PCDHA13: variants seen among roughly 807,000 people sequenced by gnomAD.
PCDHA13 encodes the protein protocadherin alpha 13.
Under a neutral mutation model 64.8 loss-of-function variants are expected in PCDHA13, and 54 were observed. That is an observed-to-expected ratio of 0.83 (90% CI 0.67 to 1.04). PCDHA13 has a LOEUF of 1.04. Ranked by LOEUF, PCDHA13 falls within the 50% of genes least tolerant of loss-of-function variation. The probability of loss-of-function intolerance (pLI) is 0.00; values close to 1 mark genes in which losing one functional copy is unlikely to be tolerated. For missense variants in PCDHA13, 1,248 were observed against 1,254.3 expected (o/e 0.99, Z 0.08); for synonymous variants, 587 against 564.4 (o/e 1.04, Z -0.57).
intron 1 of PCDHA13, among the ~76,000 whole-genome samples, chr5:140,934,505 G>C (rs155823): frequency 0.32 from 48,260 of 151,744 alleles, 8,006 homozygotes; most frequent in East Asian, 0.53. Flanking sequence ...ACACCCAAAG[G>C]GTCCATAGAC....
intron 1 of PCDHA13, among the ~76,000 whole-genome samples, chr5:140,960,257 C>T (rs1554224600): frequency 6.6e-6 from 1 of 152,186 alleles, no homozygotes; most frequent in African/African-American, 2.4e-5. Flanking sequence ...CCTGGAGCTT[C>T]TGATAAATTC....
chr5:140,952,338 C>CA (rs55931446), intron 1 of PCDHA13, among the ~76,000 whole-genome samples: 315 of 135,024 alleles, frequency 2.3e-3, no homozygotes, highest in East Asian at 0.011. Context: ...AACTCCATCT[C>CA]AAAAAAAAAA....
chr5:140,925,917 A>T (rs1480980894), intron 1 of PCDHA13, among the ~76,000 whole-genome samples: 1 of 151,098 alleles, frequency 6.6e-6, no homozygotes, highest in African/African-American at 2.5e-5. Context: ...CCGTTTGCAA[A>T]GCACTCCCAA....
At chr5:140,981,849 T>C (rs1460050544) in intron 2 of PCDHA13, among the ~76,000 whole-genome samples, 2 of 152,202 alleles carry the variant, frequency 1.3e-5, no homozygotes, top group African/African-American at 4.8e-5. Flanking sequence ...AGTTTGTATC[T>C]CACTCCCAGC....
intron 3 of PCDHA13, among the ~76,000 whole-genome samples, chr5:141,001,247 A>G (rs547699044): frequency 1.3e-5 from 2 of 152,256 alleles, no homozygotes; most frequent in African/African-American, 2.4e-5. Flanking sequence ...AATCAACCCT[A>G]TGGGGCGGGC....
intron 3 of PCDHA13, chr5:140,988,770 G>A (rs1388594585): frequency 6.6e-6 from 1 of 152,168 alleles, no homozygotes; most frequent in African/African-American, 2.4e-5. Flanking sequence ...TACAGTCATG[G>A]TTAAGACCAT....
intron 3 of PCDHA13, among the ~76,000 whole-genome samples, chr5:140,995,211 A>G (rs529613370): frequency 2.6e-5 from 4 of 152,188 alleles, no homozygotes; most frequent in Non-Finnish European, 4.4e-5. Context: ...ATTAGGCACA[A>G]TACTCTTGTG....
chr5:140,898,263 C>T lies in PCDHA13; in HGVS notation c.2394+13601C>T, dbSNP rs1420763503. The stretch of plus-strand genomic sequence containing the variant: ...GGTGTTTTAGACATGAAGTCCTTGC[C>T]CATGCCTAAGTTCTGAATGGTAATG... On this transcript the variant is annotated intron_variant, in intron 1 of 3. Transcript: ENST00000289272. 2.0e-5 allele frequency among the ~76,000 whole-genome samples: 3 copies of T among 152,270 alleles called. No individual in the cohort carries two copies. In the East Asian group the frequency reaches 5.8e-4, roughly 29 times the overall value.
At position 140,882,408 on chromosome 5, in the gene PCDHA13, G is replaced by T; in HGVS notation, c.140G>T (p.Arg47Leu). 2 of 1,614,138 alleles carry T rather than the reference G, an allele frequency of 1.2e-6. No individual in the cohort carries two copies. Among genetic ancestry groups the T allele is most frequent in the Non-Finnish European group, 8.5e-7 (1 of 1,180,040 alleles). The change falls in exon 1 of 4, where the codon CGC becomes CTC. Residue 47 changes from arginine to leucine, a missense_variant. Physicochemically the swap from Arg to Leu is moderately radical, Grantham distance 102 (BLOSUM62 -2). Coordinates refer to ENST00000289272, the MANE Select transcript of PCDHA13 (RefSeq NM_018904.3). ...GCAAAACACGGCACCTTCGTGGGCCGCATCGCTCAGGACCTGGGGCTGGAG... is the reference window on the plus strand; with the variant it reads ...GCAAAACACGGCACCTTCGTGGGCCTCATCGCTCAGGACCTGGGGCTGGAG... ...EEAKHGTFVG[R>L]IAQDLGLELA...
intron 1 of PCDHA13, among the ~76,000 whole-genome samples, chr5:140,888,562 G>T (rs781854673): frequency 6.6e-6 from 1 of 152,112 alleles, no homozygotes; most frequent in East Asian, 1.9e-4. Flanking sequence ...TCCTTTCAAG[G>T]CTTCATTTTA....
chr5:140,966,945 A>G, intron 1 of PCDHA13: 1 of 1,603,804 alleles, frequency 6.2e-7, no homozygotes, highest in Non-Finnish European at 8.5e-7. Flanking sequence ...CTCGTGGGCA[A>G]CGTGGCTCGC....
rs1554262759 is a variant in PCDHA13 at position 141,010,215 on chromosome 5, G to A, written c.*278G>A. ...CCTTTCTCCTCCGCCGCAAAGGAGA[G>A]GCTTCCCAGCCCCGCCAGTGAGAGG... On this transcript the variant is annotated 3_prime_UTR_variant, in exon 4 of 4. Transcript: ENST00000289272. The A allele has an allele frequency of 6.4e-7, 1 of 1,551,774 alleles. No homozygotes were observed. Among genetic ancestry groups the A allele is most frequent in the East Asian group, 2.4e-5 (1 of 40,918 alleles).
intron 3 of PCDHA13, among the ~76,000 whole-genome samples, chr5:140,989,205 C>G (rs750885432): frequency 6.6e-6 from 1 of 152,192 alleles, no homozygotes; most frequent in Admixed American, 6.5e-5. Flanking sequence ...TTCTAGCTTT[C>G]TTTATACACC....
At chr5:140,895,892 A>G (rs1554186717) in intron 1 of PCDHA13, among the ~76,000 whole-genome samples, 1 of 152,080 alleles carries the variant, frequency 6.6e-6, no homozygotes, top group East Asian at 1.9e-4. Flanking sequence ...GCTCACTGCA[A>G]CCTCCGCGTC....
At chr5:140,918,639 TGA>T (rs1554198713) in intron 1 of PCDHA13, among the ~76,000 whole-genome samples, 1 of 152,224 alleles carries the variant, frequency 6.6e-6, no homozygotes, top group East Asian at 1.9e-4. Context: ...ATTCATAAAT[TGA>T]AACCTAATTC....
At chr5:140,914,140 T>C (rs1006570934) in intron 1 of PCDHA13, among the ~76,000 whole-genome samples, 2 of 152,230 alleles carry the variant, frequency 1.3e-5, no homozygotes, top group African/African-American at 4.8e-5. Flanking sequence ...AGTTTTTGTC[T>C]GTCAGTTCTG....
chr5:140,966,947 G>C (rs782439197), intron 1 of PCDHA13: 2 of 1,603,404 alleles, frequency 1.2e-6, no homozygotes, highest in East Asian at 2.2e-5. Flanking sequence ...CGTGGGCAAC[G>C]TGGCTCGCGC....
chr5:140,966,413 A>G, intron 1 of PCDHA13: 2 of 419,134 alleles, frequency 4.8e-6, no homozygotes, highest in South Asian at 1.0e-4. Flanking sequence ...GAATCAGAGC[A>G]GGACTTGCTG....
chr5:140,924,824 G>T (rs782384284), intron 1 of PCDHA13, among the ~76,000 whole-genome samples: 5 of 151,742 alleles, frequency 3.3e-5, no homozygotes, highest in African/African-American at 4.8e-5. Context: ...GAACCTGGGA[G>T]GGGGAGGTTG....
Sources: gnomAD v4.1 joint callset for allele counts (sites outside exome capture counted in the v4.1 genomes callset) on GRCh38, gnomAD v4.1.1 for gene constraint, MANE v1.5 for transcripts, NCBI Gene and HGNC (gene_info 2026-07-23, HGNC 2026-07-21) for gene names.